The following TBC1D22B variants were observed in gnomAD, a reference collection of about 807,000 sequenced individuals.
TBC1D22B encodes the protein TBC1 domain family member 22B, also known as chromosome 6 open reading frame 197.
Under a neutral mutation model 69.1 loss-of-function variants are expected in TBC1D22B, and 32 were observed. The observed-to-expected ratio is 0.46, with a 90% CI of 0.35 to 0.62. TBC1D22B has a LOEUF of 0.62. TBC1D22B is among the 20% of genes least tolerant of loss of function. The pLI, the probability that TBC1D22B is intolerant of heterozygous loss-of-function variation, is 0.00. For synonymous variants in TBC1D22B, 206 were observed against 229.8 expected (o/e 0.90, Z 0.94); for missense variants, 462 against 630.9 (o/e 0.73, Z 2.87).
At chr6:37,314,155 G>A (rs753398703) in intron 10 of TBC1D22B, among the ~76,000 whole-genome samples, 4 of 152,042 alleles carry the variant, frequency 2.6e-5, no homozygotes, top group Non-Finnish European at 5.9e-5. Flanking sequence ...TCTTCAGTAC[G>A]CCCGTTCCCC....
chr6:37,296,791 CAT>C (rs1180242466), intron 8 of TBC1D22B, among the ~76,000 whole-genome samples: 2 of 151,796 alleles, frequency 1.3e-5, no homozygotes, highest in African/African-American at 4.8e-5. Context: ...TACACACACA[CAT>C]ACACACACGT....
At chr6:37,267,392 TATACAC>T (rs1438049198) in intron 1 of TBC1D22B, among the ~76,000 whole-genome samples, 3 of 141,970 alleles carry the variant, frequency 2.1e-5, no homozygotes, top group East Asian at 3.9e-4. Context: ...ATAATATATA[TATACAC>T]ACATATATAA....
Position 37,332,283 on chromosome 6 carries a change from G to T in TBC1D22B, c.*1111G>T, listed in dbSNP as rs891140952. On this transcript the variant is annotated 3_prime_UTR_variant, in exon 13 of 13. Coordinates refer to ENST00000373491, the MANE Select transcript of TBC1D22B (RefSeq NM_017772.4). ...TCTTCACCCCGCCCCCCAACCCCCA[G>T]ACTTTCCTGGAGCATCTGCCCTTTG... is the stretch of plus-strand genomic sequence containing the variant. 4.6e-5 allele frequency: 7 copies of T among 151,132 alleles called. No individual in the cohort carries two copies. Among genetic ancestry groups the T allele is most frequent in the African/African-American group, 1.7e-4 (7 of 40,930 alleles). The allele number at this position is 151,132 out of a possible 1,614,324, so 9.4% of individuals were successfully genotyped here.
chr6:37,296,246 A>G (rs1211849820), intron 8 of TBC1D22B, among the ~76,000 whole-genome samples: 1 of 152,244 alleles, frequency 6.6e-6, no homozygotes, highest in Non-Finnish European at 1.5e-5. Flanking sequence ...TGGGCAACAG[A>G]GGGAGACTCC....
At chr6:37,312,896 T>G in intron 8 of TBC1D22B, 22 bp from the exon 9 acceptor site, 4 of 1,593,716 alleles carry the variant, frequency 2.5e-6, no homozygotes, top group Non-Finnish European at 3.4e-6. Context: ...CCTCTGGACT[T>G]TCTTCACCTT....
In TBC1D22B at chr6:37,266,930, C is replaced by CTTT. The variant is rs35702920; in HGVS notation, c.57-2642_57-2640dup. On this transcript the variant is annotated intron_variant, in intron 1 of 12. Coordinates refer to ENST00000373491, the MANE Select transcript of TBC1D22B (RefSeq NM_017772.4). ...GTTCAATTTTTAATATTTTCTTCGT[C>CTTT]TTTTTTTTTTTTTTTTTTTTTTTTG... 3.3e-3 allele frequency among the ~76,000 whole-genome samples: 179 copies of CTTT among 54,856 alleles called. 1 individual carries two copies. The highest frequency in any genetic ancestry group is 4.4e-3 in the African/African-American group (59 of 13,336). The allele number at this position is 54,856 out of a possible 152,430, so 36.0% of individuals were successfully genotyped here.
intron 8 of TBC1D22B, among the ~76,000 whole-genome samples, chr6:37,297,673 T>TA (rs1006454369): frequency 1.6e-4 from 24 of 152,098 alleles, no homozygotes; most frequent in African/African-American, 4.3e-4. Flanking sequence ...CTTATCTTTC[T>TA]AAAAAAAATT....
At position 37,269,570 on chromosome 6, in the gene TBC1D22B, TCTTC is replaced by T. The variant is rs765025033; in HGVS notation, c.57-20_57-17del. On this transcript the variant is annotated intron_variant, in intron 1 of 12. Transcript: ENST00000373491. ...TAGTTTCCTAACTAAACTAACTATT[TCTTC>T]CTTTTGTTTTTGCTTTTAGCATTCA... The T allele has an allele frequency of 3.0e-5, 48 of 1,613,498 alleles. No individual in the cohort carries two copies. The highest frequency in any genetic ancestry group is 3.8e-5 in the Non-Finnish European group (45 of 1,179,540).
chr6:37,298,074 AT>A (rs1767443015), intron 8 of TBC1D22B, among the ~76,000 whole-genome samples: 1 of 152,216 alleles, frequency 6.6e-6, no homozygotes, highest in South Asian at 2.1e-4. Context: ...GAGAGATAGC[AT>A]TAGGAGAAAT....
intron 8 of TBC1D22B, among the ~76,000 whole-genome samples, chr6:37,300,434 T>C (rs1042198391): frequency 1.1e-4 from 17 of 152,302 alleles, no homozygotes; most frequent in Admixed American, 3.9e-4. Flanking sequence ...CAATCTTGGC[T>C]CACTGCAACT....
intron 6 of TBC1D22B, among the ~76,000 whole-genome samples, chr6:37,286,472 C>T (rs910327416): frequency 5.3e-5 from 8 of 151,884 alleles, no homozygotes; most frequent in South Asian, 2.1e-4. Context: ...CCCGCCACCA[C>T]GCCCGGCTAA....
intron 8 of TBC1D22B, among the ~76,000 whole-genome samples, chr6:37,312,617 C>T (rs1450610447): frequency 6.6e-6 from 1 of 152,180 alleles, no homozygotes; most frequent in Non-Finnish European, 1.5e-5. Flanking sequence ...CCTGAAGTAT[C>T]ATTTTCTAAA....
At chr6:37,292,543 T>G (rs187370826) in intron 8 of TBC1D22B, among the ~76,000 whole-genome samples, 6 of 152,326 alleles carry the variant, frequency 3.9e-5, no homozygotes, top group African/African-American at 1.4e-4. Flanking sequence ...TTGTATAATT[T>G]TATCAAGAGA....
At chr6:37,265,811 A>C (rs915103554) in intron 1 of TBC1D22B, among the ~76,000 whole-genome samples, 29 of 152,198 alleles carry the variant, frequency 1.9e-4, no homozygotes, top group Non-Finnish European at 4.4e-5. Context: ...ATTATATGTA[A>C]GATTTCCTCT....
chr6:37,284,499 G>A (rs1390345664), intron 6 of TBC1D22B, 35 bp downstream of exon 6: 57 of 1,533,502 alleles, frequency 3.7e-5, no homozygotes, highest in Non-Finnish European at 4.8e-5. Flanking sequence ...TTGCTTACCA[G>A]TCATATACTT....
At chr6:37,314,783 C>T (rs775304311) in intron 10 of TBC1D22B, among the ~76,000 whole-genome samples, 1 of 151,336 alleles carries the variant, frequency 6.6e-6, no homozygotes, top group Non-Finnish European at 1.5e-5. Flanking sequence ...TGCCCACCCC[C>T]ACCCCCAACA....
chr6:37,293,146 C>T (rs1450990080), intron 8 of TBC1D22B, among the ~76,000 whole-genome samples: 5 of 151,016 alleles, frequency 3.3e-5, no homozygotes, highest in Admixed American at 6.6e-5. Flanking sequence ...GGCGTGATCT[C>T]GGCTCACAGC....
intron 12 of TBC1D22B, among the ~76,000 whole-genome samples, chr6:37,322,402 A>G (rs1713163745): frequency 6.6e-6 from 1 of 152,176 alleles, no homozygotes. Flanking sequence ...CTGTAATCCC[A>G]GCTACTCGGG....
chr6:37,272,425 G>A (rs988508800), intron 2 of TBC1D22B, among the ~76,000 whole-genome samples: 4 of 149,930 alleles, frequency 2.7e-5, no homozygotes, highest in South Asian at 2.1e-4. Flanking sequence ...GCACTGGCAC[G>A]ATCAGGGCTC....
Sources: gnomAD v4.1 joint callset for allele counts (sites outside exome capture counted in the v4.1 genomes callset) on GRCh38, gnomAD v4.1.1 for gene constraint, MANE v1.5 for transcripts, NCBI Gene and HGNC (gene_info 2026-07-23, HGNC 2026-07-21) for gene names.